Variants in RAD51B observed in about 807,000 individuals in gnomAD.
RAD51B encodes DNA repair protein RAD51 homolog 2.
Under a neutral mutation model 42.2 loss-of-function variants are expected in RAD51B, and 38 were observed. That is an observed-to-expected ratio of 0.90 (90% CI 0.70 to 1.18). The LOEUF is 1.18. Ranked by LOEUF, RAD51B falls within the 50% of genes most tolerant of loss-of-function variation. The probability of loss-of-function intolerance (pLI) is 0.00; values close to 1 mark genes in which losing one functional copy is unlikely to be tolerated. For synonymous variants in RAD51B, 154 were observed against 145.2 expected (o/e 1.06, Z -0.43); for missense variants, 373 against 400.7 (o/e 0.93, Z 0.59).
chr14:68,014,333 C>G (rs1035163152), intron 7 of RAD51B, among the ~76,000 whole-genome samples: 1 of 151,462 alleles, frequency 6.6e-6, no homozygotes, highest in Non-Finnish European at 1.5e-5. Flanking sequence ...GAGCAAGTTG[C>G]TTTGAAGCAT....
At chr14:68,060,397 G>C (rs2076548704) in intron 7 of RAD51B, among the ~76,000 whole-genome samples, 1 of 152,172 alleles carries the variant, frequency 6.6e-6, no homozygotes, top group South Asian at 2.1e-4. Flanking sequence ...CCTCTCTCTT[G>C]CTTCCCAGTG....
Position 68,403,417 on chromosome 14 carries a change from A to G in RAD51B, c.854-8007A>G, listed in dbSNP as rs375899507. On this transcript the variant is annotated intron_variant, in intron 8 of 10. Transcript: ENST00000471583. ...CACTAGAGATTCAGTTTGATCTCCT[A>G]GAAATGCTTAGCACAGGAGTCATAA... Among the ~76,000 whole-genome samples, 12 of 152,296 alleles carry G rather than the reference A, an allele frequency of 7.9e-5. No individual in the cohort carries two copies. The South Asian group carries it at 2.3e-3, about 29-fold the overall frequency.
At chr14:67,895,184 G>A (rs2043370783) in intron 7 of RAD51B, among the ~76,000 whole-genome samples, 1 of 152,172 alleles carries the variant, frequency 6.6e-6, no homozygotes, top group Non-Finnish European at 1.5e-5. Flanking sequence ...AGAAAACATT[G>A]GAAATGAAGG....
At chr14:68,323,249 C>T (rs2082189328) in intron 8 of RAD51B, among the ~76,000 whole-genome samples, 1 of 152,164 alleles carries the variant, frequency 6.6e-6, no homozygotes, top group South Asian at 2.1e-4. Context: ...GACAGTTAGT[C>T]GGTGGCAGCT....
chr14:67,900,799 A>C (rs1385575192), intron 7 of RAD51B, among the ~76,000 whole-genome samples: 2 of 152,154 alleles, frequency 1.3e-5, no homozygotes, highest in Non-Finnish European at 1.5e-5. Flanking sequence ...ACAGCCACTA[A>C]AGTTAGTTTT....
At chr14:68,587,785 A>G (rs1327318431) in intron 10 of RAD51B, among the ~76,000 whole-genome samples, 3 of 152,216 alleles carry the variant, frequency 2.0e-5, no homozygotes, top group Admixed American at 2.0e-4. Flanking sequence ...AGTAAGATTT[A>G]CAATAATTGG....
At position 68,030,435 on chromosome 14, in the gene RAD51B, A is replaced by G. The variant is rs2140368804; in HGVS notation, c.756+143231A>G. On this transcript the variant is annotated intron_variant, in intron 7 of 10. Coordinates refer to ENST00000471583, the MANE Select transcript of RAD51B (RefSeq NM_133510.4). Reference sequence around the variant, plus strand: ...TTCCTGCTTCACCTTGCACTTCTATAATATGTTATGGAATGGAACGGCTTC... The same window carrying G: ...TTCCTGCTTCACCTTGCACTTCTATGATATGTTATGGAATGGAACGGCTTC... 2.6e-5 allele frequency among the ~76,000 whole-genome samples: 4 copies of G among 152,254 alleles called. No homozygotes were observed. In the South Asian group the frequency reaches 8.3e-4, roughly 32 times the overall value.
intron 10 of RAD51B, among the ~76,000 whole-genome samples, chr14:68,510,248 T>G (rs1402174675): frequency 6.6e-6 from 1 of 152,210 alleles, no homozygotes; most frequent in African/African-American, 2.4e-5. Flanking sequence ...AGGTCTCTGA[T>G]TCATGCAGAT....
intron 8 of RAD51B, among the ~76,000 whole-genome samples, chr14:68,408,917 T>G (rs2084349164): frequency 6.6e-6 from 1 of 151,926 alleles, no homozygotes; most frequent in Admixed American, 6.6e-5. Context: ...ACTCACCACT[T>G]CCCCTCATCT....
At chr14:68,006,673 ATAT>A (rs1409209624) in intron 7 of RAD51B, among the ~76,000 whole-genome samples, 3 of 152,148 alleles carry the variant, frequency 2.0e-5, no homozygotes, top group Non-Finnish European at 4.4e-5. Context: ...GTATTTAATA[ATAT>A]TATGTGATAA....
At chr14:68,525,760 G>T (rs1886884257) in intron 10 of RAD51B, among the ~76,000 whole-genome samples, 1 of 152,156 alleles carries the variant, frequency 6.6e-6, no homozygotes, top group Non-Finnish European at 1.5e-5. Flanking sequence ...CAGGGTCTGG[G>T]GGATTTTTCT....
At chr14:68,421,266 A>AGCATTCGTCTTCTGGCTGCTGTT (rs1399539478) in intron 9 of RAD51B, among the ~76,000 whole-genome samples, 14 of 151,958 alleles carry the variant, frequency 9.2e-5, no homozygotes, top group African/African-American at 3.4e-4. Flanking sequence ...TCCAGCTTGG[A>AGCATTCGTCTTCTGGCTGCTGTT]GCATTCGTCT....
intron 7 of RAD51B, among the ~76,000 whole-genome samples, chr14:68,004,097 G>A (rs780160847): frequency 3.3e-5 from 5 of 151,960 alleles, no homozygotes; most frequent in East Asian, 3.9e-4. Context: ...TTGGGAGGCC[G>A]AGGTGGGCGG....
At chr14:68,359,965 A>G (rs967898190) in intron 8 of RAD51B, among the ~76,000 whole-genome samples, 3 of 152,236 alleles carry the variant, frequency 2.0e-5, no homozygotes, top group African/African-American at 7.2e-5. Flanking sequence ...TGCAGGGTGC[A>G]GGGAAACGGC....
rs61257313 is a variant in RAD51B at position 68,476,697 on chromosome 14, A to C, written c.1037-951A>C. Among the ~76,000 whole-genome samples, 1,209 of 152,326 alleles carry C rather than the reference A, an allele frequency of 7.9e-3. 18 individuals carry two copies. The highest frequency in any genetic ancestry group is 0.028 in the African/African-American group (1,176 of 41,568). Reference sequence around the variant, plus strand: ...GAACACCCATCACATGCTGCTCGCCAGCCATGCGAAACTTCTGTTTCCTCA... The same window carrying C: ...GAACACCCATCACATGCTGCTCGCCCGCCATGCGAAACTTCTGTTTCCTCA... On this transcript the variant is annotated intron_variant, in intron 10 of 10. Transcript: ENST00000471583.
intron 9 of RAD51B, among the ~76,000 whole-genome samples, chr14:68,463,277 C>T (rs2085891776): frequency 6.6e-6 from 1 of 152,176 alleles, no homozygotes; most frequent in Non-Finnish European, 1.5e-5. Flanking sequence ...CACAAAGATA[C>T]ATGGCAAGCA....
intron 9 of RAD51B, among the ~76,000 whole-genome samples, chr14:68,413,747 C>G (rs1295207576): frequency 6.6e-6 from 1 of 152,070 alleles, no homozygotes; most frequent in African/African-American, 2.4e-5. Context: ...CCATACGAAG[C>G]GAAGGCTTTT....
chr14:67,993,152 A>G (rs569491475), intron 7 of RAD51B, among the ~76,000 whole-genome samples: 9 of 152,312 alleles, frequency 5.9e-5, no homozygotes, highest in East Asian at 1.9e-4. Flanking sequence ...ATACAGATAC[A>G]CAATGTGTAA....
At chr14:68,075,191 C>T (rs1229012847) in intron 7 of RAD51B, among the ~76,000 whole-genome samples, 2 of 152,136 alleles carry the variant, frequency 1.3e-5, no homozygotes, top group Non-Finnish European at 2.9e-5. Flanking sequence ...GCCAGGAAGG[C>T]TTGCCTGGTG....
Sources: gnomAD v4.1 joint callset for allele counts (sites outside exome capture counted in the v4.1 genomes callset) on GRCh38, gnomAD v4.1.1 for gene constraint, MANE v1.5 for transcripts, NCBI Gene and HGNC (gene_info 2026-07-23, HGNC 2026-07-21) for gene names.